The following EML6 variants were observed in gnomAD, a reference collection of about 807,000 sequenced individuals.
The protein encoded by EML6 is EMAP like 6.
In EML6, 154 loss-of-function variants were observed where a neutral mutation model predicts 240.1. The ratio of observed to expected loss-of-function variants is 0.64; its 90% CI spans 0.56 to 0.73. The LOEUF (loss-of-function observed/expected upper bound fraction) is 0.73. Among genes scored for constraint, EML6 ranks in the 30% least tolerant of loss-of-function variants. The pLI, the probability that EML6 is intolerant of heterozygous loss-of-function variation, is 0.00. For missense variants in EML6, 2,964 were observed against 2,474.6 expected, an observed-to-expected ratio of 1.20 and a Z score of -4.20; for synonymous variants, 1,148 against 899.0, an observed-to-expected ratio of 1.28 and a Z score of -4.95.
At chr2:54,851,711 C>T (rs1483241965) in intron 10 of EML6, among the ~76,000 whole-genome samples, 1 of 152,072 alleles carries the variant, frequency 6.6e-6, no homozygotes, top group East Asian at 1.9e-4. Flanking sequence ...TTCTTTATTC[C>T]TGATCTTTGC....
intron 22 of EML6, 26 bp from the exon 23 acceptor site, chr2:54,903,018 A>C: frequency 1.3e-6 from 2 of 1,544,650 alleles, no homozygotes; most frequent in Non-Finnish European, 1.7e-6. Context: ...TTGGATAATA[A>C]GTGTTTTTTG....
At chr2:54,909,836 G>C (rs13028800) in intron 24 of EML6, among the ~76,000 whole-genome samples, 4 of 133,080 alleles carry the variant, frequency 3.0e-5, no homozygotes, top group Non-Finnish European at 6.2e-5. Flanking sequence ...GGGTGACAGA[G>C]CGAGACTCCA....
intron 13 of EML6, 83 bp from the exon 14 acceptor site, chr2:54,866,683 G>C (rs1670986261): frequency 5.9e-6 from 4 of 673,152 alleles, no homozygotes; most frequent in Non-Finnish European, 9.9e-6. Context: ...AGCAATTAAA[G>C]ATTTTACAAG....
In EML6 at chr2:54,850,192, G is replaced by A; in HGVS notation, c.1418G>A (p.Gly473Glu). 1 of 1,551,714 alleles carries A rather than the reference G, an allele frequency of 6.4e-7. No individual in the cohort carries two copies. Among genetic ancestry groups the A allele is most frequent in the Non-Finnish European group, 8.7e-7 (1 of 1,146,974 alleles). Reference protein sequence around the residue: ...SKYLQTNDGAGERLFYRMPSG... With the variant: ...SKYLQTNDGAEERLFYRMPSG... ...TACTTACAAACTAATGACGGTGCAG[G>A]AGAACGATTGTTCTACAGAATGCCA... Residue 473 changes from glycine (G) to glutamate (E), a missense_variant, in exon 10 of 42, where the codon GGA becomes GAA. Transcript: ENST00000356458.
At chr2:54,950,057 G>C (rs1675896635) in intron 29 of EML6, among the ~76,000 whole-genome samples, 1 of 152,210 alleles carries the variant, frequency 6.6e-6, no homozygotes, top group African/African-American at 2.4e-5. Context: ...GTTGGATTAA[G>C]AACTGATCTG....
chr2:54,826,871 C>G (rs189438315), intron 5 of EML6, among the ~76,000 whole-genome samples: 159 of 152,164 alleles, frequency 1.0e-3, no homozygotes, highest in African/African-American at 3.6e-3. Flanking sequence ...AATATATGTA[C>G]ACTAAAAATA....
At chr2:54,890,990 T>C in intron 17 of EML6, 64 bp from the exon 18 acceptor site, 4 of 789,354 alleles carry the variant, frequency 5.1e-6, no homozygotes, top group Admixed American at 2.5e-5. Flanking sequence ...AAATGCATGC[T>C]TTTAATAAAA....
At chr2:54,818,228 A>G (rs962916805) in intron 4 of EML6, among the ~76,000 whole-genome samples, 1 of 149,990 alleles carries the variant, frequency 6.7e-6, no homozygotes, top group Non-Finnish European at 1.5e-5. Context: ...AGCCTAATGT[A>G]ATCACTTTGG....
chr2:54,757,820 G>C (rs1276207040), intron 2 of EML6, among the ~76,000 whole-genome samples: 1 of 151,238 alleles, frequency 6.6e-6, no homozygotes, highest in African/African-American at 2.4e-5. Flanking sequence ...CCTCGCCCTG[G>C]TAGGCTTAGA....
chr2:54,949,774 A>G (rs1160819106), intron 29 of EML6, among the ~76,000 whole-genome samples: 1 of 152,084 alleles, frequency 6.6e-6, no homozygotes. Context: ...ATGATTTTTC[A>G]CCACAGTGCA....
At chr2:54,887,079 G>C (rs1031136736) in intron 17 of EML6, among the ~76,000 whole-genome samples, 2 of 152,088 alleles carry the variant, frequency 1.3e-5, no homozygotes, top group African/African-American at 2.4e-5. Flanking sequence ...CTCCAGGATG[G>C]ACCACTTCCC....
At chr2:54,822,497 T>C (rs1296842608) in intron 5 of EML6, among the ~76,000 whole-genome samples, 3 of 152,164 alleles carry the variant, frequency 2.0e-5, no homozygotes, top group Non-Finnish European at 4.4e-5. Flanking sequence ...AAACAGAAGA[T>C]CTGAAACCAC....
At position 54,900,405 on chromosome 2, in the gene EML6, G is replaced by T. The variant is rs189513075; in HGVS notation, c.3124+623G>T. Among the ~76,000 whole-genome samples the T allele has an allele frequency of 3.3e-5, 5 of 152,270 alleles. No individual in the cohort carries two copies. The East Asian group carries it at 9.6e-4, about 29-fold the overall frequency. ...GTAATTCGAGGAGAGTCTTTAAAAT[G>T]GGACTATTTATATAAAGGGATGGGG... On this transcript the variant is annotated intron_variant, in intron 22 of 41. Coordinates refer to ENST00000356458, the MANE Select transcript of EML6 (RefSeq NM_001039753.4).
At chr2:54,825,985 G>A (rs1288914918) in intron 5 of EML6, among the ~76,000 whole-genome samples, 2 of 152,140 alleles carry the variant, frequency 1.3e-5, no homozygotes, top group Non-Finnish European at 2.9e-5. Context: ...TCCTACTCTT[G>A]TTCATTCTGT....
At chr2:54,959,392 C>T in intron 34 of EML6, 131 bp downstream of exon 34, 1 of 856,166 alleles carries the variant, frequency 1.2e-6, no homozygotes, top group Non-Finnish European at 1.7e-6. Flanking sequence ...GAAGATCAGT[C>T]TGCTCTCTCT....
intron 2 of EML6, among the ~76,000 whole-genome samples, chr2:54,772,253 G>C (rs1181442000): frequency 6.6e-6 from 1 of 152,208 alleles, no homozygotes; most frequent in Non-Finnish European, 1.5e-5. Flanking sequence ...ATAGGAGAAA[G>C]TGTTACATAT....
intron 2 of EML6, among the ~76,000 whole-genome samples, chr2:54,757,876 C>A (rs1193078352): frequency 6.6e-6 from 1 of 150,738 alleles, no homozygotes; most frequent in South Asian, 2.1e-4. Context: ...ATTTGCTTTC[C>A]AGCTCCTTTT....
chr2:54,784,008 G>A (rs113195649), intron 2 of EML6, among the ~76,000 whole-genome samples: 11 of 152,094 alleles, frequency 7.2e-5, no homozygotes, highest in African/African-American at 2.7e-4. Context: ...GAGTACAGTC[G>A]TGATCATAGT....
At chr2:54,947,222 C>CT (rs755418348) in intron 28 of EML6, among the ~76,000 whole-genome samples, 71 of 152,184 alleles carry the variant, frequency 4.7e-4, no homozygotes, top group Non-Finnish European at 9.0e-4. Context: ...TTGAAAGTCC[C>CT]ACTAAAACAG....
Sources: gnomAD v4.1 joint callset for allele counts (sites outside exome capture counted in the v4.1 genomes callset) on GRCh38, gnomAD v4.1.1 for gene constraint, MANE v1.5 for transcripts, NCBI Gene and HGNC (gene_info 2026-07-23, HGNC 2026-07-21) for gene names.